The following FARP2 variants were observed in gnomAD, a reference collection of about 807,000 sequenced individuals.
FARP2 encodes FERM, ARHGEF and pleckstrin domain-containing protein 2.
FARP2 carries 111 observed loss-of-function variants against 130.5 expected under a neutral mutation model. The ratio of observed to expected loss-of-function variants is 0.85; its 90% CI spans 0.73 to 1.00. The LOEUF (loss-of-function observed/expected upper bound fraction) is 1.00. Ranked by LOEUF, FARP2 falls within the 50% of genes least tolerant of loss-of-function variation. The probability of loss-of-function intolerance (pLI) is 0.00; values close to 1 mark genes in which losing one functional copy is unlikely to be tolerated. For missense variants in FARP2, 1,385 were observed against 1,346.3 expected (o/e 1.03, Z -0.45); for synonymous variants, 504 against 516.9 (o/e 0.98, Z 0.34).
chr2:241,432,973 G>T (rs2063130379), intron 9 of FARP2, among the ~76,000 whole-genome samples: 2 of 152,122 alleles, frequency 1.3e-5, no homozygotes, highest in Non-Finnish European at 2.9e-5. Context: ...GTACACACTG[G>T]GTTCACGTGC....
intron 6 of FARP2, among the ~76,000 whole-genome samples, chr2:241,412,276 G>A (rs945587343): frequency 9.9e-5 from 15 of 152,050 alleles, no homozygotes; most frequent in Non-Finnish European, 7.4e-5. Flanking sequence ...GAAAAGATCC[G>A]CCCCCATGAG....
chr2:241,468,352 G>A lies in FARP2; in HGVS notation c.2106G>A (p.Gly702=). The change falls in exon 18 of 27, where the codon GGG becomes GGA. Residue 702 remains glycine, a synonymous_variant. Coordinates refer to ENST00000264042, the MANE Select transcript of FARP2 (RefSeq NM_014808.4). ...LRRLCGHYSP[G]HHDYADCHDA... ...GCCTATGCGGACATTACAGCCCCGG[G>A]CACCATGACTACGCTGACTGCCATG... The A allele has an allele frequency of 6.2e-7, 1 of 1,613,146 alleles. No homozygotes were observed. Among genetic ancestry groups the A allele is most frequent in the Non-Finnish European group, 8.5e-7 (1 of 1,179,894 alleles).
chr2:241,388,065 A>T (rs993694356), intron 2 of FARP2, among the ~76,000 whole-genome samples: 1 of 152,186 alleles, frequency 6.6e-6, no homozygotes, highest in Admixed American at 6.5e-5. Flanking sequence ...AGAAATTGAC[A>T]GCAGATCTTA....
chr2:241,395,333 T>C (rs925915405), intron 2 of FARP2: 1 of 152,348 alleles, frequency 6.6e-6, no homozygotes, highest in Admixed American at 6.5e-5. Flanking sequence ...TTCAAAGAGC[T>C]AAAAATATAT....
intron 1 of FARP2, among the ~76,000 whole-genome samples, chr2:241,366,731 C>T (rs2061328697): frequency 6.6e-6 from 1 of 152,094 alleles, no homozygotes; most frequent in African/African-American, 2.4e-5. Flanking sequence ...CATTTGTTCT[C>T]ACATTGAGCT....
intron 1 of FARP2, among the ~76,000 whole-genome samples, chr2:241,370,982 G>T (rs1347223837): frequency 6.6e-6 from 1 of 152,192 alleles, no homozygotes; most frequent in South Asian, 2.1e-4. Context: ...TAGGAATTAG[G>T]ATGGGACCTT....
In FARP2 at chr2:241,492,619, G is replaced by A. The variant is rs142586788; in HGVS notation, c.2788-310G>A. 7.1e-4 allele frequency: 189 copies of A among 264,748 alleles called. 1 individual carries two copies. Among genetic ancestry groups the A allele is most frequent in the African/African-American group, 3.8e-3 (171 of 45,462 alleles). 16.4% of individuals were successfully genotyped at this position (264,748 alleles called of 1,614,324 possible). A position where few individuals can be genotyped will look rare whatever the true frequency, so the allele number is the denominator to read the frequency against. ...CCTTCCAGACTTGGCTCAATGTACT[G>A]TCTCTTAAGGTATCTTCTCTCTTCT... On this transcript the variant is annotated intron_variant, in intron 24 of 26. Coordinates refer to ENST00000264042, the MANE Select transcript of FARP2 (RefSeq NM_014808.4).
chr2:241,379,423 T>C (rs1021186684), intron 2 of FARP2, among the ~76,000 whole-genome samples: 1 of 152,260 alleles, frequency 6.6e-6, no homozygotes, highest in Admixed American at 6.5e-5. Context: ...TTCTTCATTA[T>C]TGTTCATCTA....
rs116172913 is a variant in FARP2 at position 241,363,430 on chromosome 2, G to T, written c.-25+7042G>T. Reference sequence around the variant, plus strand: ...ATGGCTAAACGGAGTAATTAAAGCCGTAGGTTTCTGGTTGGAGTCTGAAAA... The same window carrying T: ...ATGGCTAAACGGAGTAATTAAAGCCTTAGGTTTCTGGTTGGAGTCTGAAAA... On this transcript the variant is annotated intron_variant, in intron 1 of 26. Transcript: ENST00000264042. 5.2e-3 allele frequency among the ~76,000 whole-genome samples: 794 copies of T among 152,348 alleles called. 5 individuals carry two copies. Among genetic ancestry groups the T allele is most frequent in the African/African-American group, 0.018 (759 of 41,588 alleles).
intron 4 of FARP2, among the ~76,000 whole-genome samples, chr2:241,406,153 A>G (rs560627389): frequency 2.6e-5 from 4 of 151,410 alleles, no homozygotes; most frequent in African/African-American, 9.7e-5. Flanking sequence ...AATATAAATT[A>G]GCCGGGTGTA....
chr2:241,435,598 G>A (rs191994647), intron 11 of FARP2, among the ~76,000 whole-genome samples: 11,407 of 143,490 alleles, frequency 0.079, 473 homozygotes, highest in Middle Eastern at 0.18. Context: ...TGCAAGCTCC[G>A]CCTCCCGGGT....
chr2:241,374,936 A>G (rs1489635200), intron 2 of FARP2, among the ~76,000 whole-genome samples: 1 of 152,074 alleles, frequency 6.6e-6, no homozygotes, highest in Non-Finnish European at 1.5e-5. Flanking sequence ...CTGGACACTT[A>G]ATTAGGCTCC....
intron 2 of FARP2, among the ~76,000 whole-genome samples, chr2:241,386,340 C>T (rs1363277519): frequency 6.6e-6 from 1 of 152,142 alleles, no homozygotes; most frequent in Non-Finnish European, 1.5e-5. Context: ...CCCAAGTGAT[C>T]CTCCGGCCTG....
At chr2:241,487,560 C>T (rs1235580344) in intron 21 of FARP2, among the ~76,000 whole-genome samples, 22 of 107,404 alleles carry the variant, frequency 2.0e-4, no homozygotes, top group Non-Finnish European at 3.8e-4. Flanking sequence ...CCCAACTACT[C>T]GGGAGGCTAA....
intron 13 of FARP2, 157 bp from the exon 14 acceptor site, chr2:241,456,590 T>C: frequency 3.0e-6 from 2 of 675,254 alleles, no homozygotes; most frequent in South Asian, 3.7e-5. Context: ...ATGTTTAGAA[T>C]TGTGTGTGAT....
At chr2:241,487,857 C>G (rs1240567193) in intron 21 of FARP2, among the ~76,000 whole-genome samples, 1 of 149,052 alleles carries the variant, frequency 6.7e-6, no homozygotes, top group African/African-American at 2.5e-5. Context: ...ACGCCATTCT[C>G]CTACCTCAGC....
intron 9 of FARP2, among the ~76,000 whole-genome samples, chr2:241,432,037 C>T (rs561898993): frequency 3.9e-5 from 6 of 152,118 alleles, no homozygotes; most frequent in Non-Finnish European, 5.9e-5. Context: ...TCAGGCTGGT[C>T]TCGAACTCCT....
Position 241,434,187 on chromosome 2 carries a change from G to T in FARP2, c.897G>T (p.Leu299Phe). The T allele has an allele frequency of 6.2e-7, 1 of 1,611,934 alleles. No homozygotes were observed. Among genetic ancestry groups the T allele is most frequent in the Admixed American group, 1.7e-5 (1 of 59,522 alleles). ...HGPYQDTLEF[L>F]LGSRDECKNF... Reference sequence around the variant, plus strand: ...CTTACCAGGACACATTAGAATTTTTGTTGGGTAGTAGAGATGAATGTAAGA... The same window carrying T: ...CTTACCAGGACACATTAGAATTTTTTTTGGGTAGTAGAGATGAATGTAAGA... Residue 299 changes from leucine (L) to phenylalanine (F), a missense_variant, in exon 10 of 27, where the codon TTG (leucine) becomes TTT (phenylalanine). By Grantham distance (22) the Leu-to-Phe change is conservative. Transcript: ENST00000264042.
chr2:241,427,379 C>T (rs549857897), intron 8 of FARP2, among the ~76,000 whole-genome samples: 17 of 152,194 alleles, frequency 1.1e-4, no homozygotes, highest in African/African-American at 3.9e-4. Flanking sequence ...ATACAGGAAG[C>T]CCAGCGTGGT....
Sources: gnomAD v4.1 joint callset for allele counts (sites outside exome capture counted in the v4.1 genomes callset) on GRCh38, gnomAD v4.1.1 for gene constraint, MANE v1.5 for transcripts, NCBI Gene and HGNC (gene_info 2026-07-23, HGNC 2026-07-21) for gene names.